LTBP1: variants seen among roughly 807,000 people sequenced by gnomAD.
LTBP1 encodes latent-transforming growth factor beta-binding protein 1.
LTBP1 carries 129 observed loss-of-function variants against 207.6 expected under a neutral mutation model. That is an observed-to-expected ratio of 0.62 (90% CI 0.54 to 0.72). LTBP1 has a LOEUF of 0.72. Ranked by LOEUF, LTBP1 falls within the 30% of genes least tolerant of loss-of-function variation. The probability of loss-of-function intolerance (pLI) is 0.00; values close to 1 mark genes in which losing one functional copy is unlikely to be tolerated. For missense variants in LTBP1, 2,281 were observed against 2,217.2 expected (o/e 1.03, Z -0.58); for synonymous variants, 963 against 833.7 (o/e 1.16, Z -2.67).
intron 7 of LTBP1, among the ~76,000 whole-genome samples, chr2:33,194,545 C>T (rs13402045): frequency 0.017 from 2,616 of 152,300 alleles, 78 homozygotes; most frequent in African/African-American, 0.06. Context: ...AGCCAGAGCT[C>T]AATCCAGAAC....
At chr2:33,081,546 C>T (rs1387362318) in intron 3 of LTBP1, among the ~76,000 whole-genome samples, 1 of 152,072 alleles carries the variant, frequency 6.6e-6, no homozygotes, top group African/African-American at 2.4e-5. Flanking sequence ...GGTAGGAAAT[C>T]TCGGGCTCTG....
At chr2:32,965,388 C>T (rs1309651739) in intron 2 of LTBP1, among the ~76,000 whole-genome samples, 4 of 152,076 alleles carry the variant, frequency 2.6e-5, no homozygotes, top group Non-Finnish European at 5.9e-5. Context: ...TTGTATATTC[C>T]TTGGGTTTTG....
In LTBP1 at chr2:32,948,740, G is replaced by A. The variant is rs371330168; in HGVS notation, c.495-135G>A. The A allele has an allele frequency of 7.0e-4, 562 of 797,216 alleles. 8 individuals are homozygous for A. In the South Asian group the frequency reaches 8.2e-3, roughly 12 times the overall value. The allele number at this position is 797,216 out of a possible 1,614,324, so 49.4% of individuals were successfully genotyped here. Reference sequence around the variant, plus strand: ...GGCAGCTTTGGGTTGGGCATCCAGGGTACCTGTTAGGACTCTCTCTCATCC... The same window carrying A: ...GGCAGCTTTGGGTTGGGCATCCAGGATACCTGTTAGGACTCTCTCTCATCC... On this transcript the variant is annotated intron_variant, in intron 1 of 33. Transcript: ENST00000404816.
chr2:33,045,147 G>T (rs1260282408), intron 3 of LTBP1, among the ~76,000 whole-genome samples: 1 of 152,124 alleles, frequency 6.6e-6, no homozygotes, highest in African/African-American at 2.4e-5. Flanking sequence ...TTTGGCTTCT[G>T]TTGCCATTGC....
intron 7 of LTBP1, among the ~76,000 whole-genome samples, chr2:33,191,159 A>G (rs915186665): frequency 6.6e-6 from 1 of 152,218 alleles, no homozygotes; most frequent in African/African-American, 2.4e-5. Context: ...AAGTTGGAAC[A>G]CAGATGATAA....
intron 22 of LTBP1, among the ~76,000 whole-genome samples, chr2:33,306,782 A>G (rs1455484331): frequency 1.3e-5 from 2 of 152,050 alleles, no homozygotes; most frequent in Non-Finnish European, 2.9e-5. Context: ...GCAAAGAAAG[A>G]AAGGTTAATG....
chr2:33,041,614 A>G (rs1468324390), intron 3 of LTBP1, among the ~76,000 whole-genome samples: 1 of 152,222 alleles, frequency 6.6e-6, no homozygotes, highest in Non-Finnish European at 1.5e-5. Context: ...CCCAGTGCCT[A>G]ATCTGGAATG....
At chr2:33,194,118 C>T (rs1306196331) in intron 7 of LTBP1, among the ~76,000 whole-genome samples, 1 of 152,118 alleles carries the variant, frequency 6.6e-6, no homozygotes. Context: ...TCCCAAGTAA[C>T]TGAGACAACA....
chr2:33,328,819 A>G lies in LTBP1; in HGVS notation c.3730+13550A>G, dbSNP rs544766735. On this transcript the variant is annotated intron_variant, in intron 24 of 33. Transcript: ENST00000404816. The stretch of plus-strand genomic sequence containing the variant: ...CTTTGTGTCTGGCTTCTTTTATTCA[A>G]CATTGCATTTGTAAGCTTCGTCTGT... Among the ~76,000 whole-genome samples the G allele has an allele frequency of 3.9e-5, 6 of 152,236 alleles. No homozygotes were observed. The South Asian group carries it at 6.2e-4, about 16-fold the overall frequency.
Position 33,204,324 on chromosome 2 carries a change from A to G in LTBP1, c.1702-13228A>G, listed in dbSNP as rs181995964. ...GTGCATTTACTCTAGTGACACTGCC[A>G]TTGGGCAAATAGCTTGGACACGTCT... On this transcript the variant is annotated intron_variant, in intron 7 of 33. Transcript: ENST00000404816. 1.2e-4 allele frequency among the ~76,000 whole-genome samples: 19 copies of G among 152,342 alleles called. No homozygotes were observed. In the East Asian group the frequency reaches 3.1e-3, roughly 25 times the overall value.
At chr2:33,236,309 T>C (rs895740136) in intron 9 of LTBP1, among the ~76,000 whole-genome samples, 2 of 152,222 alleles carry the variant, frequency 1.3e-5, no homozygotes, top group African/African-American at 4.8e-5. Context: ...CAGTGGTCAA[T>C]GGCTCAGTGG....
intron 22 of LTBP1, among the ~76,000 whole-genome samples, chr2:33,301,895 T>C (rs749154870): frequency 3.9e-5 from 6 of 152,206 alleles, no homozygotes; most frequent in Non-Finnish European, 8.8e-5. Flanking sequence ...CAGTTTAACT[T>C]TACCAGCTAT....
At chr2:33,306,892 G>A (rs1479312990) in intron 22 of LTBP1, among the ~76,000 whole-genome samples, 26 of 151,900 alleles carry the variant, frequency 1.7e-4, no homozygotes, top group African/African-American at 5.1e-4. Flanking sequence ...GATCGAGACC[G>A]TCTTGGCCAA....
chr2:33,313,266 C>T lies in LTBP1; in HGVS notation c.3605-1878C>T, dbSNP rs563152686. On this transcript the variant is annotated intron_variant, in intron 23 of 33. Transcript: ENST00000404816. ...TGTTGGGTTTCTTATTTTTATTCAG[C>T]GATGGACAGGCCAAATAATCTGAAT... 1.5e-4 allele frequency among the ~76,000 whole-genome samples: 23 copies of T among 152,196 alleles called. 2 individuals carry two copies. Among genetic ancestry groups the T allele is most frequent in the East Asian group, 1.2e-3 (6 of 5,180 alleles).
chr2:33,002,527 T>G (rs953594677), intron 2 of LTBP1, among the ~76,000 whole-genome samples: 1 of 152,142 alleles, frequency 6.6e-6, no homozygotes, highest in African/African-American at 2.4e-5. Context: ...TTCTCCACAG[T>G]GCTCTTGTGG....
In LTBP1 at chr2:33,329,086, A is replaced by G. The variant is rs185524442; in HGVS notation, c.3731-13752A>G. 3.9e-5 allele frequency among the ~76,000 whole-genome samples: 6 copies of G among 152,298 alleles called. No homozygotes were observed. The East Asian group carries it at 9.6e-4, about 24-fold the overall frequency. On this transcript the variant is annotated intron_variant, in intron 24 of 33. Transcript: ENST00000404816. ...TAAAATGTATGTATGTTTCACTCAC[A>G]TATATATAGCCAGTTTTTCAGAGTA...
intron 2 of LTBP1, among the ~76,000 whole-genome samples, chr2:33,007,339 T>C (rs1484011461): frequency 6.6e-6 from 1 of 152,224 alleles, no homozygotes; most frequent in Non-Finnish European, 1.5e-5. Flanking sequence ...TTGCATTTCT[T>C]CTAGGCTGTT....
chr2:33,134,652 C>T lies in LTBP1; in HGVS notation c.1034-141C>T. The T allele has an allele frequency of 6.4e-7, 1 of 1,559,278 alleles. No homozygotes were observed. Among genetic ancestry groups the T allele is most frequent in the East Asian group, 2.3e-5 (1 of 43,886 alleles). On this transcript the variant is annotated intron_variant, in intron 4 of 33. Transcript: ENST00000404816. This position sits in a 1 kb window ranked among gnomAD's most constrained non-coding sequence, Gnocchi z 4.4. ...CTGAAGGCTTCCCTCTTTCCTTAAA[C>T]CTGTCGGGTTGTGGGCTCTCTCTTT...
At chr2:33,232,654 T>A (rs2091853551) in intron 9 of LTBP1, among the ~76,000 whole-genome samples, 1 of 152,182 alleles carries the variant, frequency 6.6e-6, no homozygotes, top group Admixed American at 6.5e-5. Flanking sequence ...GAATTTCAGA[T>A]AAACAACAAA....
Sources: gnomAD v4.1 joint callset for allele counts (sites outside exome capture counted in the v4.1 genomes callset) on GRCh38, gnomAD v4.1.1 for gene constraint, Gnocchi (gnomAD v3.1) non-coding constraint, MANE v1.5 for transcripts, NCBI Gene and HGNC (gene_info 2026-07-23, HGNC 2026-07-21) for gene names.